Variants in GPATCH8 observed in about 807,000 individuals in gnomAD.
GPATCH8 encodes the protein G-patch domain containing 8, also known as G patch domain-containing protein 8.
In GPATCH8, 18 loss-of-function variants were observed where a neutral mutation model predicts 118.3. The ratio of observed to expected loss-of-function variants is 0.15; its 90% confidence interval spans 0.11 to 0.23. GPATCH8 has a LOEUF of 0.23. Among genes scored for constraint, GPATCH8 ranks in the 10% least tolerant of loss-of-function variants. The pLI, the probability that GPATCH8 is intolerant of heterozygous loss-of-function variation, is 1.00. For missense variants in GPATCH8, 1,631 were observed against 1,873.8 expected, an observed-to-expected ratio of 0.87 and a Z score of 2.39; for synonymous variants, 659 against 684.7, an observed-to-expected ratio of 0.96 and a Z score of 0.59.
In GPATCH8 at chr17:44,398,844, C is replaced by A. The variant is rs917241243; in HGVS notation, c.3233G>T (p.Gly1078Val). 1 of 1,613,972 alleles carries A rather than the reference C, an allele frequency of 6.2e-7. No individual in the cohort carries two copies. The highest frequency in any genetic ancestry group is 8.5e-7 in the Non-Finnish European group (1 of 1,179,848). The change falls in exon 8 of 8, where the codon GGT becomes GTT. Residue 1078 changes from glycine (G) to valine (V), a missense_variant. By Grantham distance (109) the Gly-to-Val change is moderately radical. Coordinates refer to ENST00000591680, the MANE Select transcript of GPATCH8 (RefSeq NM_001002909.4). The part of the protein sequence containing the change: ...SNIGTGRGSE[G>V]DCSPEDKNSV... ...GTTCTTGTCTTCAGGACTGCAGTCA[C>A]CTTCTGACCCTCTTCCTGTGCCAAT...
At chr17:44,470,743 C>T (rs1364458530) in intron 2 of GPATCH8, among the ~76,000 whole-genome samples, 1 of 151,672 alleles carries the variant, frequency 6.6e-6, no homozygotes. Context: ...CTCCTGACCT[C>T]GTCATCTGCC....
chr17:44,465,518 A>T (rs2051727537), intron 2 of GPATCH8: 1 of 152,246 alleles, frequency 6.6e-6, no homozygotes, highest in African/African-American at 2.4e-5. Flanking sequence ...GTGAAGTACC[A>T]AGACAAGGCT....
intron 6 of GPATCH8, among the ~76,000 whole-genome samples, chr17:44,423,139 G>GCT (rs1433264746): frequency 9.9e-5 from 15 of 152,050 alleles, no homozygotes; most frequent in African/African-American, 3.6e-4. Context: ...TACTCAGGAG[G>GCT]CTGAGGCAGG....
intron 3 of GPATCH8, chr17:44,445,882 G>T (rs1409730637): frequency 6.6e-6 from 1 of 152,104 alleles, no homozygotes; most frequent in Admixed American, 6.5e-5. Flanking sequence ...AAACTCAGGG[G>T]ATCTGAATTA....
chr17:44,474,992 T>A, intron 1 of GPATCH8, 89 bp from the exon 2 acceptor site: 1 of 712,088 alleles, frequency 1.4e-6, no homozygotes. Context: ...TATTTTTAAC[T>A]TTTCTTTTTT....
chr17:44,402,013 A>T (rs1359007765), intron 7 of GPATCH8, among the ~76,000 whole-genome samples: 2 of 101,536 alleles, frequency 2.0e-5, no homozygotes, highest in African/African-American at 6.7e-5. Flanking sequence ...CAAAAAAATT[A>T]AAAAAAAAAA....
chr17:44,435,216 G>T, intron 4 of GPATCH8, 65 bp from the exon 5 acceptor site: 1 of 813,136 alleles, frequency 1.2e-6, no homozygotes, highest in Non-Finnish European at 2.2e-6. Context: ...CTATGAAAAA[G>T]TTATTTGCAC....
chr17:44,458,647 A>G (rs112222228), intron 3 of GPATCH8, among the ~76,000 whole-genome samples: 1,615 of 152,080 alleles, frequency 0.011, 34 homozygotes, highest in African/African-American at 0.037. Context: ...TCAGCCTTCC[A>G]AATAGCTAGG....
Position 44,424,633 on chromosome 17 carries a change from A to G in GPATCH8, c.349-141T>C, listed in dbSNP as rs1477900205. On this transcript the variant is annotated intron_variant, in intron 5 of 7. Coordinates refer to ENST00000591680, the MANE Select transcript of GPATCH8 (RefSeq NM_001002909.4). ...AGTGGTACCAGTAAAAGCTGGATGA[A>G]ACACAAGTGGTACTTTGGTGGGTAA... 3 of 683,934 alleles carry G rather than the reference A, an allele frequency of 4.4e-6. No individual in the cohort carries two copies. The African/African-American group carries it at 5.4e-5, about 12-fold the overall frequency. The allele number at this position is 683,934 out of a possible 1,614,324, so 42.4% of individuals were successfully genotyped here. A position where few individuals can be genotyped will look rare whatever the true frequency, so the allele number is the denominator to read the frequency against.
chr17:44,485,286 A>T (rs1054912574), intron 1 of GPATCH8, among the ~76,000 whole-genome samples: 8 of 151,648 alleles, frequency 5.3e-5, no homozygotes, highest in East Asian at 3.9e-4. Context: ...TCATTTAAAA[A>T]TTTTTTTTTG....
Position 44,398,084 on chromosome 17 carries a change from G to T in GPATCH8, c.3993C>A (p.Ile1331=). ...SKLQQAAQQH[I]QQQLLAKQVK... ...CTTGCTTGGCCAGAAGCTGCTGCTGGATGTGTTGCTGAGCAGCCTGCTGGA... is the reference window on the plus strand; with the variant it reads ...CTTGCTTGGCCAGAAGCTGCTGCTGTATGTGTTGCTGAGCAGCCTGCTGGA... Residue 1331 remains isoleucine (I), a synonymous_variant, in exon 8 of 8, where the codon ATC becomes ATA. Transcript: ENST00000591680. 6.2e-7 allele frequency: 1 copy of T among 1,614,078 alleles called. No individual in the cohort carries two copies. Among genetic ancestry groups the T allele is most frequent in the African/African-American group, 1.3e-5 (1 of 75,006 alleles).
intron 2 of GPATCH8, among the ~76,000 whole-genome samples, chr17:44,469,931 T>C (rs1967135882): frequency 6.6e-6 from 1 of 152,204 alleles, no homozygotes; most frequent in African/African-American, 2.4e-5. Context: ...TAGACAGATA[T>C]GCAACATCAC....
intron 6 of GPATCH8, among the ~76,000 whole-genome samples, chr17:44,419,892 T>A (rs1245973851): frequency 6.6e-6 from 1 of 152,200 alleles, no homozygotes; most frequent in Non-Finnish European, 1.5e-5. Flanking sequence ...GTGCTTCTTT[T>A]GTTTATATAT....
At position 44,435,372 on chromosome 17, in the gene GPATCH8, T is replaced by C. The variant is rs577735913; in HGVS notation, c.262-221A>G. On this transcript the variant is annotated intron_variant, in intron 4 of 7. Transcript: ENST00000591680. ...TTCCAAAAGGCACATTTGTTGAAAG[T>C]AGACTTCACTTCAATGTTAATTTTC... Among the ~76,000 whole-genome samples the C allele has an allele frequency of 7.3e-5, 11 of 151,406 alleles. No individual in the cohort carries two copies. The South Asian group carries it at 1.7e-3, about 23-fold the overall frequency.
chr17:44,408,473 C>A (rs2049314602), intron 6 of GPATCH8, among the ~76,000 whole-genome samples: 1 of 152,198 alleles, frequency 6.6e-6, no homozygotes, highest in Non-Finnish European at 1.5e-5. Flanking sequence ...AGGCATAAGC[C>A]ACTGTGTCCA....
At chr17:44,483,852 GTTGTT>G (rs1968557121) in intron 1 of GPATCH8, among the ~76,000 whole-genome samples, 2 of 149,606 alleles carry the variant, frequency 1.3e-5, no homozygotes, top group African/African-American at 4.9e-5. Flanking sequence ...TGTTGTTGTT[GTTGTT>G]TTGAGACAGA....
intron 1 of GPATCH8, among the ~76,000 whole-genome samples, chr17:44,476,372 T>G (rs1967785284): frequency 6.6e-6 from 1 of 152,104 alleles, no homozygotes; most frequent in African/African-American, 2.4e-5. Flanking sequence ...GCCTGGCTAA[T>G]TTTTTGTATT....
intron 3 of GPATCH8, among the ~76,000 whole-genome samples, chr17:44,462,138 A>G (rs1376505749): frequency 6.6e-6 from 1 of 152,158 alleles, no homozygotes; most frequent in East Asian, 1.9e-4. Context: ...GTTGTACTTT[A>G]AAGTCTCTGA....
intron 5 of GPATCH8, among the ~76,000 whole-genome samples, chr17:44,427,490 G>C (rs2050131238): frequency 6.6e-6 from 1 of 152,000 alleles, no homozygotes; most frequent in East Asian, 1.9e-4. Context: ...AAAAGAAATA[G>C]GGCTATTAAA....
Sources: gnomAD v4.1 joint callset for allele counts (sites outside exome capture counted in the v4.1 genomes callset) on GRCh38, gnomAD v4.1.1 for gene constraint, MANE v1.5 for transcripts, NCBI Gene and HGNC (gene_info 2026-07-23, HGNC 2026-07-21) for gene names.